PDE1C: variants seen among roughly 807,000 people sequenced by gnomAD.
The protein encoded by PDE1C is dual specificity calcium/calmodulin-dependent 3',5'-cyclic nucleotide phosphodiesterase 1C.
Under a neutral mutation model 93.1 loss-of-function variants are expected in PDE1C, and 62 were observed. The ratio of observed to expected loss-of-function variants is 0.67; its 90% CI spans 0.54 to 0.82. The LOEUF (loss-of-function observed/expected upper bound fraction) is 0.82, where lower values mean the gene tolerates loss of function less well. Ranked by LOEUF, PDE1C falls within the 40% of genes least tolerant of loss-of-function variation. PDE1C has a pLI of 0.00. For missense variants in PDE1C, 742 were observed against 884.6 expected (o/e 0.84, Z 2.04); for synonymous variants, 325 against 310.1 (o/e 1.05, Z -0.50).
At chr7:31,813,295 G>A (rs906402436) in intron 15 of PDE1C, among the ~76,000 whole-genome samples, 33 of 152,072 alleles carry the variant, frequency 2.2e-4, no homozygotes, top group African/African-American at 7.7e-4. Context: ...AGACTGCTTT[G>A]AGATATGTTT....
the PDE1C span, among the ~76,000 whole-genome samples, chr7:31,666,712 A>C: frequency 1.3e-5 from 2 of 152,184 alleles, no homozygotes; most frequent in African/African-American, 2.4e-5. Context: ...CCACAAAGCA[A>C]GATATAGAAT....
chr7:32,224,992 A>T (rs1457514642), intron 1 of PDE1C, among the ~76,000 whole-genome samples: 1 of 151,062 alleles, frequency 6.6e-6, no homozygotes, highest in Non-Finnish European at 1.5e-5. Context: ...TGGGCATCTG[A>T]TTGGACCTTC....
chr7:31,677,607 GA>G, the PDE1C span, among the ~76,000 whole-genome samples: 4 of 151,972 alleles, frequency 2.6e-5, no homozygotes, highest in African/African-American at 7.2e-5. Flanking sequence ...ATTCATGTAA[GA>G]AAAAAACTCA....
intron 1 of PDE1C, among the ~76,000 whole-genome samples, chr7:32,252,733 T>C (rs890439245): frequency 2.1e-4 from 32 of 152,128 alleles, no homozygotes; most frequent in Admixed American, 2.6e-4. Context: ...AACTATGTAT[T>C]TGCAACGTGT....
At chr7:31,895,986 C>T (rs1799257645) in intron 2 of PDE1C, among the ~76,000 whole-genome samples, 1 of 149,548 alleles carries the variant, frequency 6.7e-6, no homozygotes, top group African/African-American at 2.5e-5. Context: ...CTAATACACT[C>T]TCCCTTACAT....
At chr7:32,186,368 C>T (rs1173666226) in intron 2 of PDE1C, among the ~76,000 whole-genome samples, 9 of 152,098 alleles carry the variant, frequency 5.9e-5, no homozygotes, top group Non-Finnish European at 1.3e-4. Flanking sequence ...TCCCAAAGTG[C>T]TGGGATTACA....
At chr7:32,323,770 A>C (rs1328648412) in intron 1 of PDE1C, among the ~76,000 whole-genome samples, 2 of 152,228 alleles carry the variant, frequency 1.3e-5, no homozygotes, top group Admixed American at 1.3e-4. Flanking sequence ...CTGAGGATGA[A>C]GCAGAAAGTC....
intron 2 of PDE1C, among the ~76,000 whole-genome samples, chr7:32,186,656 T>G (rs1362914377): frequency 6.6e-6 from 1 of 152,166 alleles, no homozygotes; most frequent in Non-Finnish European, 1.5e-5. Context: ...ATGTAATTAA[T>G]TAATGTAATA....
chr7:31,691,797 T>TAAAAAAAAAAAAA, the PDE1C span, among the ~76,000 whole-genome samples: 20 of 86,526 alleles, frequency 2.3e-4, no homozygotes, highest in African/African-American at 5.3e-4. Context: ...ATGTAATGAT[T>TAAAAAAAAAAAAA]AAAAAAAAAA....
chr7:32,056,368 A>AAC (rs375602478), intron 1 of PDE1C, among the ~76,000 whole-genome samples: 29,811 of 119,230 alleles, frequency 0.25, 3,258 homozygotes, highest in Admixed American at 0.3. Context: ...CTCTCACTGA[A>AAC]ACACACACAC....
chr7:31,784,334 A>T (rs1783694118), intron 16 of PDE1C: 1 of 151,996 alleles, frequency 6.6e-6, no homozygotes, highest in Non-Finnish European at 1.5e-5. Context: ...GACAATAACA[A>T]CATCATATTC....
chr7:32,070,379 G>T lies in PDE1C; in HGVS notation c.15C>A (p.Thr5=), dbSNP rs777884760. The change falls in exon 1 of 18, where the codon ACC becomes ACA. Residue 5 remains threonine, a synonymous_variant. Transcript: ENST00000396191. ...TGCTCTCAAATTCTTCAATCTCCTT[G>T]GTTGGCGACTCCATAGCTGCAGGTA... MESP[T]KEIEEFESNS... 1 of 1,614,176 alleles carries T rather than the reference G, an allele frequency of 6.2e-7. No homozygotes were observed. The highest frequency in any genetic ancestry group is 8.5e-7 in the Non-Finnish European group (1 of 1,180,022).
At chr7:31,963,605 T>G (rs1233375537) in intron 2 of PDE1C, among the ~76,000 whole-genome samples, 5 of 152,222 alleles carry the variant, frequency 3.3e-5, no homozygotes, top group Non-Finnish European at 5.9e-5. Context: ...CTGTAATTTT[T>G]GAGAGTAATC....
chr7:31,820,717 C>CACCAGTCA (rs1788851972), intron 14 of PDE1C: 1 of 152,106 alleles, frequency 6.6e-6, no homozygotes, highest in Non-Finnish European at 1.5e-5. Flanking sequence ...TTCTAATTAG[C>CACCAGTCA]ACCAGTCAAC....
At chr7:32,078,925 C>T (rs1796503633) in intron 3 of PDE1C, among the ~76,000 whole-genome samples, 1 of 135,834 alleles carries the variant, frequency 7.4e-6, no homozygotes, top group South Asian at 2.7e-4. Context: ...GACTCACTCT[C>T]TCAAAAAAAA....
chr7:31,793,690 T>TA (rs35254369), intron 16 of PDE1C, among the ~76,000 whole-genome samples: 4 of 150,760 alleles, frequency 2.7e-5, no homozygotes, highest in African/African-American at 4.9e-5. Flanking sequence ...TTTTTTTTTT[T>TA]AAATAAGAAG....
chr7:31,650,640 A>G, the PDE1C span, among the ~76,000 whole-genome samples: 1 of 152,170 alleles, frequency 6.6e-6, no homozygotes, highest in South Asian at 2.1e-4. Flanking sequence ...TCCAACCTCC[A>G]GGACTGTGAC....
At chr7:31,662,787 G>A in the PDE1C span, among the ~76,000 whole-genome samples, 6 of 152,070 alleles carry the variant, frequency 3.9e-5, no homozygotes, top group African/African-American at 1.4e-4. Context: ...TACTTCTACT[G>A]CCTTGATTCT....
chr7:32,299,488 C>T, upstream of PDE1C: 2 of 898,836 alleles, frequency 2.2e-6, no homozygotes, highest in African/African-American at 1.8e-5. Flanking sequence ...GAACTCGCCC[C>T]TTACCAACCA....
Sources: allele counts gnomAD v4.1 joint callset (sites outside exome capture counted in the v4.1 genomes callset), GRCh38; gene constraint gnomAD v4.1.1; transcripts MANE v1.5; gene names NCBI Gene and HGNC (gene_info 2026-07-23, HGNC 2026-07-21).